MICAL3: variants seen among roughly 807,000 people sequenced by gnomAD.
MICAL3 encodes [F-actin]-monooxygenase MICAL3.
MICAL3 carries 62 observed loss-of-function variants against 207.4 expected under a neutral mutation model. That is an observed-to-expected ratio of 0.30 (90% CI 0.24 to 0.37). The LOEUF is 0.37. Among genes scored for constraint, MICAL3 ranks in the 10% least tolerant of loss-of-function variants. The pLI is 1.00. For missense variants in MICAL3, 2,368 were observed against 2,635.6 expected (o/e 0.90, Z 2.22); for synonymous variants, 1,077 against 1,069.3 (o/e 1.01, Z -0.14).
At chr22:17,791,730 G>T (rs945413046) in intron 29 of MICAL3, 3 of 195,582 alleles carry the variant, frequency 1.5e-5, no homozygotes, top group African/African-American at 7.0e-5. Flanking sequence ...CTGCCCTCAG[G>T]TCATGCTCAT....
intron 16 of MICAL3, among the ~76,000 whole-genome samples, chr22:17,878,859 T>C (rs1380889365): frequency 6.6e-6 from 1 of 152,144 alleles, no homozygotes; most frequent in Non-Finnish European, 1.5e-5. Context: ...CTCCCCCTCA[T>C]TCTCATCCCA....
chr22:17,885,032 T>A (rs1929750117), intron 16 of MICAL3, among the ~76,000 whole-genome samples: 2 of 152,182 alleles, frequency 1.3e-5, no homozygotes, highest in Non-Finnish European at 1.5e-5. Context: ...TATGAGACAC[T>A]TCCAGTGCGA....
chr22:17,984,331 T>C (rs1332892300), intron 1 of MICAL3, among the ~76,000 whole-genome samples: 1 of 152,222 alleles, frequency 6.6e-6, no homozygotes, highest in Non-Finnish European at 1.5e-5. Context: ...AGGCCAACAC[T>C]GCGCTCGACA....
intron 16 of MICAL3, chr22:17,879,430 C>T: frequency 6.3e-7 from 1 of 1,598,094 alleles, no homozygotes. Context: ...GAAACTTAAG[C>T]TCCATGCATA....
chr22:17,976,810 C>CT lies in MICAL3; in HGVS notation c.-75+47470dup, dbSNP rs1197811898. Among the ~76,000 whole-genome samples, 168 of 119,998 alleles carry CT rather than the reference C, an allele frequency of 1.4e-3. 2 individuals are homozygous for CT. The highest frequency in any genetic ancestry group is 7.8e-3 in the East Asian group (33 of 4,232). The allele number at this position is 119,998 out of a possible 152,430, so 78.7% of individuals were successfully genotyped here. A position where few individuals can be genotyped will look rare whatever the true frequency, so the allele number is the denominator to read the frequency against. Reference sequence around the variant, plus strand: ...GACTACTTAGTTCTAGAGACTTCTTCTTTTTTTTTTTTTTTAGATGGAGTC... The same window carrying CT: ...GACTACTTAGTTCTAGAGACTTCTTCTTTTTTTTTTTTTTTTAGATGGAGTC... On this transcript the variant is annotated intron_variant, in intron 1 of 31. Transcript: ENST00000441493.
chr22:17,802,497 T>C (rs2061950827), intron 29 of MICAL3, among the ~76,000 whole-genome samples: 1 of 152,154 alleles, frequency 6.6e-6, no homozygotes. Context: ...TCGTTGAGTG[T>C]GGAGGTCTCT....
rs186055762 is a variant in MICAL3, at chr22:17,817,434, C to A, written c.5227G>T (p.Val1743Phe). The A allele has an allele frequency of 5.8e-5, 94 of 1,613,674 alleles. No homozygotes were observed. Residue 1743 changes from valine (V) to phenylalanine (F), a missense_variant, in exon 26 of 32, where the codon GTC (valine) becomes TTC (phenylalanine). Physicochemically the swap from Val to Phe is conservative, Grantham distance 50. Around this residue, in one of 4 missense-constraint regions of MICAL3, gnomAD observed 1,770 missense variants for 1,863.2 expected, o/e 0.95. Coordinates refer to ENST00000441493, the MANE Select transcript of MICAL3 (RefSeq NM_015241.3). ...AAKPKSLWKS[V>F]FSGYKKDKKK... ...TTGTCCTTCTTGTACCCGGAGAAGA[C>A]GGACTTCCACAGGGACTTGGGTTTG...
intron 19 of MICAL3, among the ~76,000 whole-genome samples, chr22:17,849,644 ATGTGTGTG>A (rs149239378): frequency 0.065 from 5,121 of 79,232 alleles, 140 homozygotes; most frequent in South Asian, 0.13. Flanking sequence ...CCAGAATGGA[ATGTGTGTG>A]TGTGTGTGTG....
At chr22:17,831,136 T>C (rs1295794441) in intron 21 of MICAL3, among the ~76,000 whole-genome samples, 1 of 152,010 alleles carries the variant, frequency 6.6e-6, no homozygotes, top group Non-Finnish European at 1.5e-5. Flanking sequence ...ACTCCACATC[T>C]ATCTTTTGGG....
At chr22:17,871,792 C>T (rs774277593) in intron 17 of MICAL3, 45 bp downstream of exon 17, 1 of 1,538,976 alleles carries the variant, frequency 6.5e-7, no homozygotes, top group East Asian at 2.4e-5. Context: ...GAAACACTGT[C>T]CAAGCACAGT....
chr22:17,818,677 C>A lies in MICAL3; in HGVS notation c.3984G>T (p.Trp1328Cys), dbSNP rs781036778. ...LRRSDLVEEF[W>C]MKSAEIRRSL... ...TGCGGCGGATCTCCGCACTCTTCAT[C>A]CAGAACTCCTCCACCAGGTCGCTCC... is the stretch of plus-strand genomic sequence containing the variant. The change falls in exon 26 of 32, where the codon TGG (tryptophan) becomes TGT (cysteine). Residue 1328 changes from tryptophan (W) to cysteine (C), a missense_variant. By Grantham distance (215) the Trp-to-Cys change is radical (BLOSUM62 -2). Transcript: ENST00000441493. The A allele has an allele frequency of 6.8e-6, 11 of 1,613,690 alleles. No individual in the cohort carries two copies. The highest frequency in any genetic ancestry group is 8.5e-7 in the Non-Finnish European group (1 of 1,179,894).
chr22:17,861,992 G>A (rs1482817006), intron 19 of MICAL3: 1 of 985,306 alleles, frequency 1.0e-6, no homozygotes, highest in Non-Finnish European at 1.2e-6. Flanking sequence ...ACATAAAGGA[G>A]AAGAGAGAAA....
At chr22:17,944,842 G>A (rs1364522234) in intron 1 of MICAL3, among the ~76,000 whole-genome samples, 1 of 152,152 alleles carries the variant, frequency 6.6e-6, no homozygotes, top group Non-Finnish European at 1.5e-5. Context: ...GATGGGAGAA[G>A]AGGCTGAGGC....
Position 17,864,919 on chromosome 22 carries a change from C to G in MICAL3, c.2585G>C (p.Ser862Thr), listed in dbSNP as rs971940400. The G allele has an allele frequency of 6.2e-7, 1 of 1,613,840 alleles. No individual in the cohort carries two copies. Among genetic ancestry groups the G allele is most frequent in the Admixed American group, 1.7e-5 (1 of 60,020 alleles). Residue 862 changes from serine to threonine, a missense_variant, in exon 19 of 32, where the codon AGC (serine) becomes ACC (threonine). By Grantham distance (58) the Ser-to-Thr change is moderately conservative (BLOSUM62 1). Coordinates refer to ENST00000441493, the MANE Select transcript of MICAL3 (RefSeq NM_015241.3). Reference protein sequence around the residue: ...DANGRANAVASSTERTPGSGV... With the variant: ...DANGRANAVATSTERTPGSGV... ...GCTACCTGGGGTTCTCTCAGTGGAG[C>G]TGGCCACGGCGTTGGCCCGTCCGTT... is the stretch of plus-strand genomic sequence containing the variant.
chr22:17,817,830 C>T lies in MICAL3; in HGVS notation c.4831G>A (p.Asp1611Asn). 6.2e-7 allele frequency: 1 copy of T among 1,611,260 alleles called. No homozygotes were observed. The highest frequency in any genetic ancestry group is 8.5e-7 in the Non-Finnish European group (1 of 1,179,278). ...CTGCTCAGCTGCCTGGCCATGGCGT[C>T]CCGCAGCGCCTGGCTCTTCACGGAC... is the stretch of plus-strand genomic sequence containing the variant. The part of the protein sequence containing the change: ...EKSVKSQALR[D>N]AMARQLSRMQ... The change falls in exon 26 of 32, where the codon GAC (aspartate) becomes AAC (asparagine). Residue 1611 changes from aspartate to asparagine, a missense_variant. Around this residue, in one of 4 missense-constraint regions of MICAL3, gnomAD observed 1,770 missense variants for 1,863.2 expected, o/e 0.95. Transcript: ENST00000441493.
In MICAL3 at chr22:17,819,085, T is replaced by C; in HGVS notation, c.3576A>G (p.Ser1192=). ...GCTCAGGGAAAAGGCGCTCCTCAGGTGATTTCTCCTGGGTGGCGGCAGGGA... is the reference window on the plus strand; with the variant it reads ...GCTCAGGGAAAAGGCGCTCCTCAGGCGATTTCTCCTGGGTGGCGGCAGGGA... The part of the protein sequence containing the change: ...PPVPAATQEK[S]PEERLFPEPL... The change falls in exon 26 of 32, where the codon TCA becomes TCG. Residue 1192 remains serine, a synonymous_variant. Transcript: ENST00000441493. 6.5e-7 allele frequency: 1 copy of C among 1,528,384 alleles called. No homozygotes were observed. The highest frequency in any genetic ancestry group is 8.8e-7 in the Non-Finnish European group (1 of 1,136,066). 94.7% of individuals were successfully genotyped at this position (1,528,384 alleles called of 1,614,324 possible). A position where few individuals can be genotyped will look rare whatever the true frequency, so the allele number is the denominator to read the frequency against.
intron 21 of MICAL3, among the ~76,000 whole-genome samples, chr22:17,830,825 G>T (rs442822): frequency 1.5e-4 from 23 of 152,240 alleles, no homozygotes; most frequent in Non-Finnish European, 3.1e-4. Flanking sequence ...TCTCGCGGAC[G>T]CCCAACGGTG....
intron 1 of MICAL3, among the ~76,000 whole-genome samples, chr22:17,929,568 C>CTTTTTTTTTTTTTTTTTTTTTTT (rs67222681): frequency 9.2e-6 from 1 of 108,902 alleles, no homozygotes. Flanking sequence ...CTTTTCTTTT[C>CTTTTTTTTTTTTTTTTTTTTTTT]TTTTTTTTTT....
At chr22:17,918,720 C>T (rs1332458500) in intron 1 of MICAL3, among the ~76,000 whole-genome samples, 1 of 152,190 alleles carries the variant, frequency 6.6e-6, no homozygotes, top group African/African-American at 2.4e-5. Context: ...GCCGCAATGG[C>T]CTCCCCATGT....
Sources: gnomAD v4.1 joint callset for allele counts (sites outside exome capture counted in the v4.1 genomes callset) on GRCh38, gnomAD v4.1.1 for gene constraint, gnomAD v4.1.1 regional missense constraint, MANE v1.5 for transcripts, NCBI Gene and HGNC (gene_info 2026-07-23, HGNC 2026-07-21) for gene names.